The following C3 variants were observed in gnomAD, a reference collection of about 807,000 sequenced individuals.
C3 encodes the protein complement C3, also known as C3 and PZP-like alpha-2-macroglobulin domain-containing protein 1.
Under a neutral mutation model 207.9 loss-of-function variants are expected in C3, and 97 were observed. The ratio of observed to expected loss-of-function variants is 0.47; its 90% CI spans 0.40 to 0.55. The LOEUF is 0.55. C3 is among the 20% of genes least tolerant of loss of function. C3 has a pLI of 0.00. For missense variants in C3, 1,684 were observed against 2,171.7 expected (o/e 0.78, Z 4.46); for synonymous variants, 848 against 857.6 (o/e 0.99, Z 0.20).
At position 6,697,752 on chromosome 19, in the gene C3, T is replaced by A; in HGVS notation, c.2483A>T (p.Asp828Val). 6.2e-7 allele frequency: 1 copy of A among 1,613,792 alleles called. No individual in the cohort carries two copies. Among genetic ancestry groups the A allele is most frequent in the Non-Finnish European group, 8.5e-7 (1 of 1,179,938 alleles). ...GGGTAGCCGCAGGTCGATGAAGAAG[T>A]CCTGCATTACTGTGACCTCGAAGGG... Reference protein sequence around the residue: ...ADPFEVTVMQDFFIDLRLPYS... With the variant: ...ADPFEVTVMQVFFIDLRLPYS... Residue 828 changes from aspartate to valine, a missense_variant, in exon 20 of 41, where the codon GAC becomes GTC. Transcript: ENST00000245907.
rs1727088882 is a variant in C3 at position 6,678,007 on chromosome 19, C to G, written c.4867G>C (p.Gly1623Arg). The change falls in exon 41 of 41, where the codon GGG becomes CGG. Residue 1623 changes from glycine to arginine, a missense_variant. Gly to Arg is a moderately radical substitution (Grantham distance 125). This residue lies in a region of C3 where 346 missense variants were observed against 380.1 expected (regional missense o/e 0.91). Coordinates refer to ENST00000245907, the MANE Select transcript of C3 (RefSeq NM_000064.4). Reference sequence around the variant, plus strand: ...CAGTGCTCCACCCAAGTGTCCTTCCCGATGATGTAGCTGAGGCTGGAGGGA... The same window carrying G: ...CAGTGCTCCACCCAAGTGTCCTTCCGGATGATGTAGCTGAGGCTGGAGGGA... ...GEKPNLSYII[G>R]KDTWVEHWPE... is the part of the protein sequence containing the mutation. 1.9e-6 allele frequency: 3 copies of G among 1,613,992 alleles called. No homozygotes were observed. Among genetic ancestry groups the G allele is most frequent in the Non-Finnish European group, 2.5e-6 (3 of 1,180,014 alleles).
At chr19:6,699,994 T>C (rs572129893) in intron 19 of C3, among the ~76,000 whole-genome samples, 15 of 148,774 alleles carry the variant, frequency 1.0e-4, no homozygotes, top group African/African-American at 3.4e-4. Context: ...ATTATATATG[T>C]TAACATGTCA....
intron 19 of C3, among the ~76,000 whole-genome samples, chr19:6,701,360 G>T (rs779641852): frequency 6.6e-6 from 1 of 151,974 alleles, no homozygotes; most frequent in Non-Finnish European, 1.5e-5. Flanking sequence ...GAGCCTGCTC[G>T]CCCAAAGAGA....
intron 17 of C3, among the ~76,000 whole-genome samples, chr19:6,705,840 A>G (rs1967763464): frequency 6.6e-6 from 1 of 151,410 alleles, no homozygotes; most frequent in Admixed American, 6.6e-5. Flanking sequence ...TCGCCAGGCT[A>G]TTTTTGCATT....
chr19:6,715,645 G>A (rs1310226326), intron 4 of C3, among the ~76,000 whole-genome samples: 5 of 144,706 alleles, frequency 3.5e-5, no homozygotes, highest in East Asian at 2.0e-4. Context: ...TTTTTGAGAC[G>A]GAGTCTTGCT....
At chr19:6,697,076 A>ATAAATAAATAAAT (rs71177114) in intron 21 of C3, among the ~76,000 whole-genome samples, 1,163 of 112,624 alleles carry the variant, frequency 0.01, 77 homozygotes, top group African/African-American at 0.024. Context: ...AAATAAATAA[A>ATAAATAAATAAAT]AAATTTCAAA....
chr19:6,710,528 G>A (rs2145427441), intron 13 of C3, 111 bp downstream of exon 13: 5 of 802,628 alleles, frequency 6.2e-6, no homozygotes, highest in Non-Finnish European at 1.0e-5. Context: ...GAGAGAGAAA[G>A]GAGAGAGAAA....
At position 6,678,624 on chromosome 19, in the gene C3, G is replaced by A. The variant is rs1036373079; in HGVS notation, c.4631-169C>T. Among the ~76,000 whole-genome samples the A allele has an allele frequency of 2.0e-5, 3 of 152,000 alleles. No homozygotes were observed. In the South Asian group the frequency reaches 6.2e-4, roughly 31 times the overall value. On this transcript the variant is annotated intron_variant, in intron 38 of 40. Coordinates refer to ENST00000245907, the MANE Select transcript of C3 (RefSeq NM_000064.4). Reference sequence around the variant, plus strand: ...CTCATTACACACACAACCATAGAGGGTCCCATGTCACCATCCACACACAGT... The same window carrying A: ...CTCATTACACACACAACCATAGAGGATCCCATGTCACCATCCACACACAGT...
chr19:6,705,508 A>G (rs1967756331), intron 17 of C3, among the ~76,000 whole-genome samples: 2 of 149,824 alleles, frequency 1.3e-5, no homozygotes, highest in Non-Finnish European at 3.0e-5. Flanking sequence ...ACACCCGGCT[A>G]ATTATTTTAT....
At chr19:6,707,052 C>T in intron 17 of C3, 24 bp downstream of exon 17, 1 of 1,597,634 alleles carries the variant, frequency 6.3e-7, no homozygotes, top group Non-Finnish European at 8.5e-7. Flanking sequence ...CCCCCTCCCC[C>T]TGTCCCCACC....
intron 33 of C3, 132 bp downstream of exon 33, chr19:6,684,256 G>A (rs1434239733): frequency 8.6e-6 from 7 of 816,104 alleles, no homozygotes; most frequent in Middle Eastern, 6.8e-4. Context: ...TCTACCTCAT[G>A]GTGGATACTT....
rs749061302 is a variant in C3 at position 6,693,042 on chromosome 19, T to C, written c.3272A>G (p.Asn1091Ser). ...GACTTGGGAGTCGATGGCGATGAGG[T>C]TGACAGCCAGAGAGAAGACCTTGAC... Reference protein sequence around the residue: ...YVVKVFSLAVNLIAIDSQVLC... With the variant: ...YVVKVFSLAVSLIAIDSQVLC... Residue 1091 changes from asparagine (N) to serine (S), a missense_variant, in exon 26 of 41, where the codon AAC becomes AGC. Coordinates refer to ENST00000245907, the MANE Select transcript of C3 (RefSeq NM_000064.4). 6 of 1,613,890 alleles carry C rather than the reference T, an allele frequency of 3.7e-6. No homozygotes were observed. Among genetic ancestry groups the C allele is most frequent in the Non-Finnish European group, 5.1e-6 (6 of 1,179,994 alleles).
At chr19:6,709,611 T>TGCCCCCCCCCCCCCCCCCCCCCCCCCC in intron 14 of C3, 73 bp downstream of exon 14, 1 of 1,109,448 alleles carries the variant, frequency 9.0e-7, no homozygotes, top group Non-Finnish European at 1.4e-6. Flanking sequence ...CCCTCTCCAG[T>TGCCCCCCCCCCCCCCCCCCCCCCCCCC]CCCACCCACC....
At position 6,719,148 on chromosome 19, in the gene C3, G is replaced by A. The variant is rs1968112567; in HGVS notation, c.267+63C>T. The A allele has an allele frequency of 7.1e-7, 1 of 1,409,378 alleles. No homozygotes were observed. Among genetic ancestry groups the A allele is most frequent in the African/African-American group, 1.4e-5 (1 of 70,878 alleles). The allele number at this position is 1,409,378 out of a possible 1,614,324, so 87.3% of individuals were successfully genotyped here. On this transcript the variant is annotated intron_variant, in intron 2 of 40. Coordinates refer to ENST00000245907, the MANE Select transcript of C3 (RefSeq NM_000064.4). The surrounding 1 kb of genome is among the most constrained non-coding windows in gnomAD (Gnocchi z 5.4). The stretch of plus-strand genomic sequence containing the variant: ...AGAAGACAGAAGGGGAGGGGCTCAG[G>A]AGGAGGGGGGGAGTGGGCGTGGCTG...
rs1047286 is a variant in C3, at chr19:6,713,251, G to A, written c.941C>T (p.Pro314Leu). The A allele has an allele frequency of 0.18, 291,273 of 1,613,434 alleles. 29,494 individuals are homozygous for A. Among genetic ancestry groups the A allele is most frequent in the Non-Finnish European group, 0.21 (245,257 of 1,179,864 alleles). Residue 314 changes from proline (P) to leucine (L), a missense_variant, in exon 9 of 41, where the codon CCC becomes CTC. By Grantham distance (98) the Pro-to-Leu change is moderately conservative. Around this residue, in one of 3 missense-constraint regions of C3, gnomAD observed 1,280 missense variants for 1,739.1 expected, o/e 0.74. Transcript: ENST00000245907. ...CTTCCCCACCAGGTCTTCTGCTCGG[G>A]GGTTCTGCACCCCGTCCAGCAGTAC... ...RKVLLDGVQN[P>L]RAEDLVGKSL...
At position 6,720,540 on chromosome 19, in the gene C3, A is replaced by G. The variant is rs868462118; in HGVS notation, c.50T>C (p.Leu17Pro). ...CATGGGACTCCCCAGAGCCAGGGGG[A>G]GGTGGGTTAGTAGCAGGAGCAGCAG... ...PSLLLLLLTH[L>P]PLALGSPMYS... is the part of the protein sequence containing the mutation. Residue 17 changes from leucine to proline, a missense_variant, in exon 1 of 41, where the codon CTC becomes CCC. Leu to Pro is a moderately conservative substitution (Grantham distance 98). This residue lies in a region of C3 where 58 missense variants were observed against 52.5 expected (regional missense o/e 1.10). Coordinates refer to ENST00000245907, the MANE Select transcript of C3 (RefSeq NM_000064.4). 1 of 1,593,308 alleles carries G rather than the reference A, an allele frequency of 6.3e-7. No homozygotes were observed. Among genetic ancestry groups the G allele is most frequent in the Admixed American group, 1.8e-5 (1 of 56,738 alleles).
intron 27 of C3, among the ~76,000 whole-genome samples, chr19:6,689,036 GAGAGGAGC>G (rs1274943517): frequency 2.0e-5 from 3 of 152,214 alleles, no homozygotes; most frequent in African/African-American, 7.2e-5. Context: ...GATCACGGGA[GAGAGGAGC>G]AAAGCATCCT....
At chr19:6,702,652 C>A in intron 17 of C3, 73 bp from the exon 18 acceptor site, 1 of 1,038,572 alleles carries the variant, frequency 9.6e-7, no homozygotes, top group Non-Finnish European at 1.5e-6. Context: ...AATCCCAGCA[C>A]TTAGGGAGGC....
chr19:6,681,821 T>A, intron 35 of C3, 120 bp downstream of exon 35: 1 of 807,266 alleles, frequency 1.2e-6, no homozygotes, highest in South Asian at 1.4e-5. Context: ...ACAGACCCTG[T>A]CTCCTCTGGC....
Sources: allele counts gnomAD v4.1 joint callset (sites outside exome capture counted in the v4.1 genomes callset), GRCh38; gene constraint gnomAD v4.1.1; regional missense constraint gnomAD v4.1.1; non-coding constraint Gnocchi (gnomAD v3.1); transcripts MANE v1.5; gene names NCBI Gene and HGNC (gene_info 2026-07-23, HGNC 2026-07-21).